AGBL4: variants seen among roughly 807,000 people sequenced by gnomAD.
AGBL4 encodes the protein cytosolic carboxypeptidase 6.
AGBL4 carries 58 observed loss-of-function variants against 66.4 expected under a neutral mutation model. That is an observed-to-expected ratio of 0.87 (90% CI 0.71 to 1.09). The LOEUF (loss-of-function observed/expected upper bound fraction) is 1.09. Among genes scored for constraint, AGBL4 ranks in the 50% least tolerant of loss-of-function variants. The pLI is 0.00. For synonymous variants in AGBL4, 234 were observed against 222.9 expected (o/e 1.05, Z -0.44); for missense variants, 579 against 631.0 (o/e 0.92, Z 0.88).
At chr1:48,992,073 A>G (rs1182920064) in intron 5 of AGBL4, among the ~76,000 whole-genome samples, 1 of 152,078 alleles carries the variant, frequency 6.6e-6, no homozygotes, top group Admixed American at 6.5e-5. Context: ...GGGCATTTGA[A>G]TCATTAGGGA....
At chr1:48,968,006 T>A (rs994866020) in intron 5 of AGBL4, among the ~76,000 whole-genome samples, 13 of 152,168 alleles carry the variant, frequency 8.5e-5, no homozygotes, top group African/African-American at 3.1e-4. Flanking sequence ...GTTTGTTTTC[T>A]TGTTTGTCTT....
At chr1:49,044,827 A>G (rs1644037856) in intron 5 of AGBL4, among the ~76,000 whole-genome samples, 1 of 152,210 alleles carries the variant, frequency 6.6e-6, no homozygotes, top group African/African-American at 2.4e-5. Flanking sequence ...TAGAAGCTGG[A>G]AAAGGCAGGG....
intron 4 of AGBL4, among the ~76,000 whole-genome samples, chr1:49,204,881 C>G (rs1014998997): frequency 3.3e-5 from 5 of 152,066 alleles, no homozygotes; most frequent in African/African-American, 1.2e-4. Flanking sequence ...GGACTTATAT[C>G]TGTACAGCTT....
intron 1 of AGBL4, among the ~76,000 whole-genome samples, chr1:49,861,843 C>T (rs1646580714): frequency 1.3e-5 from 2 of 152,172 alleles, no homozygotes; most frequent in Non-Finnish European, 2.9e-5. Context: ...GCTTGGGGTG[C>T]CCCCTAAAGC....
intron 1 of AGBL4, among the ~76,000 whole-genome samples, chr1:50,004,108 A>G (rs951449485): frequency 2.0e-5 from 3 of 152,194 alleles, no homozygotes; most frequent in Non-Finnish European, 4.4e-5. Context: ...GGCACAGAAA[A>G]AGAATCTTTG....
At chr1:49,930,395 A>C (rs900620374) in intron 1 of AGBL4, among the ~76,000 whole-genome samples, 9 of 152,038 alleles carry the variant, frequency 5.9e-5, no homozygotes, top group African/African-American at 2.2e-4. Context: ...TAAAAATAAC[A>C]CCAACTCTAC....
At chr1:48,883,636 C>T (rs1650000698) in intron 5 of AGBL4, among the ~76,000 whole-genome samples, 1 of 152,188 alleles carries the variant, frequency 6.6e-6, no homozygotes, top group Admixed American at 6.5e-5. Context: ...CCTCACTGGA[C>T]TGTGAGATCC....
intron 1 of AGBL4, among the ~76,000 whole-genome samples, chr1:49,922,397 G>C (rs1652348876): frequency 6.6e-6 from 1 of 152,096 alleles, no homozygotes; most frequent in Non-Finnish European, 1.5e-5. Flanking sequence ...ACAATCAAAA[G>C]ACAAGGATGC....
intron 5 of AGBL4, among the ~76,000 whole-genome samples, chr1:48,942,443 A>T (rs1048172868): frequency 5.9e-5 from 9 of 152,158 alleles, no homozygotes; most frequent in Non-Finnish European, 1.2e-4. Context: ...CAGATTCCTC[A>T]TCTGTTAAAT....
chr1:48,859,084 A>G (rs933881898), intron 6 of AGBL4, among the ~76,000 whole-genome samples: 1 of 151,928 alleles, frequency 6.6e-6, no homozygotes, highest in African/African-American at 2.4e-5. Context: ...GCCTTCTAAG[A>G]GTTTTTAAGG....
chr1:49,863,939 C>T (rs6663001), intron 1 of AGBL4, among the ~76,000 whole-genome samples: 60,775 of 151,768 alleles, frequency 0.4, 15,461 homozygotes, highest in Non-Finnish European at 0.57. Flanking sequence ...ATATAACCCC[C>T]CAAAAAAGAA....
intron 9 of AGBL4, among the ~76,000 whole-genome samples, chr1:48,626,679 T>C (rs1276494351): frequency 6.6e-6 from 1 of 152,088 alleles, no homozygotes; most frequent in African/African-American, 2.4e-5. Flanking sequence ...ACCAAGCAAA[T>C]GAGTGGTTCA....
At chr1:49,770,393 G>A (rs1644020285) in intron 2 of AGBL4, among the ~76,000 whole-genome samples, 1 of 152,068 alleles carries the variant, frequency 6.6e-6, no homozygotes, top group South Asian at 2.1e-4. Context: ...AGCAGATGAT[G>A]TTTTTTAATT....
intron 2 of AGBL4, among the ~76,000 whole-genome samples, chr1:49,713,802 A>AT (rs879887510): frequency 7.9e-5 from 12 of 151,048 alleles, no homozygotes; most frequent in South Asian, 6.3e-4. Context: ...AAGTCTCCTC[A>AT]TTTTTTTTTA....
intron 4 of AGBL4, among the ~76,000 whole-genome samples, chr1:49,111,099 T>C (rs1427860336): frequency 2.7e-5 from 4 of 145,658 alleles, no homozygotes; most frequent in Non-Finnish European, 4.5e-5. Context: ...ACATGTTTCC[T>C]TTCAATTCGT....
At chr1:49,946,432 A>C (rs905791989) in intron 1 of AGBL4, among the ~76,000 whole-genome samples, 4 of 152,092 alleles carry the variant, frequency 2.6e-5, no homozygotes, top group African/African-American at 9.6e-5. Context: ...AATATATGAA[A>C]ATGAAATAAC....
chr1:48,628,717 C>G (rs564247862), intron 9 of AGBL4, among the ~76,000 whole-genome samples: 3 of 152,162 alleles, frequency 2.0e-5, no homozygotes, highest in African/African-American at 7.2e-5. Context: ...CTCCCCTTTC[C>G]CTATAACTTC....
chr1:49,494,126 A>G (rs927074647), intron 3 of AGBL4, among the ~76,000 whole-genome samples: 1 of 151,822 alleles, frequency 6.6e-6, no homozygotes, highest in African/African-American at 2.4e-5. Context: ...TTTTCTCATA[A>G]CCCTTACCCA....
intron 4 of AGBL4, among the ~76,000 whole-genome samples, chr1:49,103,973 C>T (rs752474040): frequency 1.9e-4 from 29 of 152,246 alleles, no homozygotes; most frequent in Non-Finnish European, 3.4e-4. Flanking sequence ...TGATTGGGTC[C>T]CAAACTAATC....
Sources: allele counts gnomAD v4.1 joint callset (sites outside exome capture counted in the v4.1 genomes callset), GRCh38; gene constraint gnomAD v4.1.1; transcripts MANE v1.5; gene names NCBI Gene and HGNC (gene_info 2026-07-23, HGNC 2026-07-21).